Variants in PDLIM5 observed in about 807,000 individuals in gnomAD.
PDLIM5 encodes PDZ and LIM domain 5, also known as PDZ and LIM domain protein 5.
In PDLIM5, 34 loss-of-function variants were observed where a neutral mutation model predicts 64.2. That is an observed-to-expected ratio of 0.53 (90% CI 0.40 to 0.71). The LOEUF is 0.71. PDLIM5 is among the 30% of genes least tolerant of loss of function. The pLI, the probability that PDLIM5 is intolerant of heterozygous loss-of-function variation, is 0.00. For missense variants in PDLIM5, 683 were observed against 733.6 expected, an observed-to-expected ratio of 0.93 and a Z score of 0.80; for synonymous variants, 253 against 269.1, an observed-to-expected ratio of 0.94 and a Z score of 0.59.
At position 94,565,572 on chromosome 4, in the gene PDLIM5, A is replaced by G. The variant is rs182813214; in HGVS notation, c.249-7779A>G. On this transcript the variant is annotated intron_variant, in intron 3 of 12. Transcript: ENST00000317968. ...AGATTATGTGATGTGGTATCTTGGGATCTGCATGACTACTAATGTCAGAAG... is the reference window on the plus strand; with the variant it reads ...AGATTATGTGATGTGGTATCTTGGGGTCTGCATGACTACTAATGTCAGAAG... Among the ~76,000 whole-genome samples the G allele has an allele frequency of 3.6e-3, 541 of 152,292 alleles. 3 individuals carry two copies. The highest frequency in any genetic ancestry group is 0.012 in the African/African-American group (516 of 41,552).
intron 2 of PDLIM5, among the ~76,000 whole-genome samples, chr4:94,520,376 G>A (rs113044663): frequency 0.012 from 1,824 of 152,244 alleles, 42 homozygotes; most frequent in African/African-American, 0.041. Flanking sequence ...TATGGCTGCC[G>A]TGTACAAGAT....
At chr4:94,591,077 A>C (rs1490704265) in intron 7 of PDLIM5, among the ~76,000 whole-genome samples, 1 of 152,208 alleles carries the variant, frequency 6.6e-6, no homozygotes, top group African/African-American at 2.4e-5. Context: ...GCATACATAA[A>C]GCCATACAGA....
intron 2 of PDLIM5, among the ~76,000 whole-genome samples, chr4:94,499,514 A>G (rs1421423601): frequency 6.6e-6 from 1 of 152,244 alleles, no homozygotes; most frequent in East Asian, 1.9e-4. Flanking sequence ...AAAAGAACCT[A>G]ATACTGTATA....
In PDLIM5 at chr4:94,667,852, ACC is replaced by A. The variant is rs1167034945; in HGVS notation, c.*3789_*3790del. Reference sequence around the variant, plus strand: ...TTTTATAGAAAATAATTTCTTCTTTACCCCCGTTCCAGTGTGAATCTAGTATT... The same window carrying A: ...TTTTATAGAAAATAATTTCTTCTTTACCCGTTCCAGTGTGAATCTAGTATT... On this transcript the variant is annotated 3_prime_UTR_variant, in exon 13 of 13. Coordinates refer to ENST00000317968, the MANE Select transcript of PDLIM5 (RefSeq NM_006457.5). The A allele has an allele frequency of 8.6e-5, 13 of 151,794 alleles. No individual in the cohort carries two copies. The highest frequency in any genetic ancestry group is 8.6e-4 in the Admixed American group (13 of 15,200). The allele number at this position is 151,794 out of a possible 1,614,324, so 9.4% of individuals were successfully genotyped here.
At chr4:94,621,766 A>G (rs1677346407) in intron 8 of PDLIM5, among the ~76,000 whole-genome samples, 1 of 152,236 alleles carries the variant, frequency 6.6e-6, no homozygotes, top group Non-Finnish European at 1.5e-5. Flanking sequence ...CAATATTAGC[A>G]ATTATAATAA....
At chr4:94,573,921 T>A (rs2110279731) in intron 4 of PDLIM5, among the ~76,000 whole-genome samples, 1 of 152,310 alleles carries the variant, frequency 6.6e-6, no homozygotes, top group South Asian at 2.1e-4. Flanking sequence ...TTTATTGAAC[T>A]ACTTATTATA....
intron 3 of PDLIM5, among the ~76,000 whole-genome samples, chr4:94,545,478 CA>C (rs910214952): frequency 1.3e-5 from 2 of 152,160 alleles, no homozygotes; most frequent in Non-Finnish European, 2.9e-5. Context: ...GCCTGACACA[CA>C]TACCAAAAAT....
Position 94,664,501 on chromosome 4 carries a change from C to T in PDLIM5, c.*434C>T. On this transcript the variant is annotated 3_prime_UTR_variant, in exon 13 of 13. Coordinates refer to ENST00000317968, the MANE Select transcript of PDLIM5 (RefSeq NM_006457.5). ...CAGAATTATTGTATTTAAAAAAAAA[C>T]TAATACTTATCTTTAAAATAGTAAA... 1.5e-6 allele frequency: 1 copy of T among 674,836 alleles called. No individual in the cohort carries two copies. The highest frequency in any genetic ancestry group is 1.8e-6 in the Non-Finnish European group (1 of 547,030). 41.8% of individuals were successfully genotyped at this position (674,836 alleles called of 1,614,324 possible). A position where few individuals can be genotyped will look rare whatever the true frequency, so the allele number is the denominator to read the frequency against.
intron 3 of PDLIM5, among the ~76,000 whole-genome samples, chr4:94,529,989 C>T (rs894317217): frequency 6.6e-6 from 1 of 151,994 alleles, no homozygotes; most frequent in Non-Finnish European, 1.5e-5. Flanking sequence ...TCAAAAGCTT[C>T]GATGTCTAAT....
Position 94,512,025 on chromosome 4 carries a change from A to AT in PDLIM5, c.97-11686dup, listed in dbSNP as rs879520279. On this transcript the variant is annotated intron_variant, in intron 2 of 12. Coordinates refer to ENST00000317968, the MANE Select transcript of PDLIM5 (RefSeq NM_006457.5). ...GATTGCTGGATCATACAGTGGCTCT[A>AT]TTTTTTTTTTTTTAAGATGTAGTCT... Among the ~76,000 whole-genome samples the AT allele has an allele frequency of 5.3e-3, 753 of 142,344 alleles. 1 individual carries two copies. The highest frequency in any genetic ancestry group is 0.016 in the African/African-American group (613 of 39,052). 93.4% of individuals were successfully genotyped at this position (142,344 alleles called of 152,430 possible). A position where few individuals can be genotyped will look rare whatever the true frequency, so the allele number is the denominator to read the frequency against.
At chr4:94,589,494 A>G (rs1368212220) in intron 7 of PDLIM5, among the ~76,000 whole-genome samples, 1 of 152,196 alleles carries the variant, frequency 6.6e-6, no homozygotes. Flanking sequence ...TCAGAAGATG[A>G]ATTCCTGAGT....
intron 8 of PDLIM5, among the ~76,000 whole-genome samples, chr4:94,627,457 C>A (rs56782581): frequency 0.013 from 1,956 of 152,278 alleles, 38 homozygotes; most frequent in African/African-American, 0.045. Context: ...TTTTATAAGG[C>A]AGACATCTAC....
intron 8 of PDLIM5, among the ~76,000 whole-genome samples, chr4:94,620,689 A>C (rs1259025051): frequency 6.6e-6 from 1 of 152,036 alleles, no homozygotes; most frequent in Non-Finnish European, 1.5e-5. Context: ...ATTATTTATA[A>C]ATTATTTTTA....
intron 3 of PDLIM5, among the ~76,000 whole-genome samples, chr4:94,564,656 C>CTCTTTTTTTTTT (rs1553959063): frequency 2.9e-5 from 3 of 104,542 alleles, no homozygotes; most frequent in African/African-American, 1.3e-4. Context: ...AATTTTGTCT[C>CTCTTTTTTTTTT]TTTTTTTTTT....
chr4:94,502,603 G>A (rs113164810), intron 2 of PDLIM5, among the ~76,000 whole-genome samples: 2,534 of 152,198 alleles, frequency 0.017, 68 homozygotes, highest in African/African-American at 0.056. Flanking sequence ...AAGGCCGGGC[G>A]CAGTGGCTCA....
At chr4:94,612,467 T>C (rs1188711387) in intron 7 of PDLIM5, among the ~76,000 whole-genome samples, 3 of 152,198 alleles carry the variant, frequency 2.0e-5, no homozygotes, top group Non-Finnish European at 4.4e-5. Flanking sequence ...CTTTGAGTAC[T>C]TGAGTACACT....
At position 94,530,999 on chromosome 4, in the gene PDLIM5, A is replaced by C. The variant is rs115477309; in HGVS notation, c.248+7124A>C. ...TTTAGAAAGTACTTTTTTCAATCGA[A>C]GTTTTCAGTTCTCTATCTGGGACAT... On this transcript the variant is annotated intron_variant, in intron 3 of 12. Coordinates refer to ENST00000317968, the MANE Select transcript of PDLIM5 (RefSeq NM_006457.5). Among the ~76,000 whole-genome samples, 1,214 of 152,230 alleles carry C rather than the reference A, an allele frequency of 8.0e-3. 13 individuals carry two copies. Among genetic ancestry groups the C allele is most frequent in the African/African-American group, 0.027 (1,140 of 41,528 alleles).
At chr4:94,587,130 C>T in intron 7 of PDLIM5, 9 of 1,218,410 alleles carry the variant, frequency 7.4e-6, no homozygotes, top group South Asian at 6.5e-5. Context: ...TTTTCATTTA[C>T]TTTTTTTTTT....
At chr4:94,587,187 A>G (rs1736299086) in intron 7 of PDLIM5, 1 of 1,476,700 alleles carries the variant, frequency 6.8e-7, no homozygotes, top group Non-Finnish European at 8.9e-7. Context: ...ATGAAAAAAT[A>G]GAACTTTTTC....
Sources: allele counts gnomAD v4.1 joint callset (sites outside exome capture counted in the v4.1 genomes callset), GRCh38; gene constraint gnomAD v4.1.1; transcripts MANE v1.5; gene names NCBI Gene and HGNC (gene_info 2026-07-23, HGNC 2026-07-21).